KIAA1217: variants seen among roughly 807,000 people sequenced by gnomAD.
KIAA1217 encodes KIAA1217.
KIAA1217 carries 88 observed loss-of-function variants against 163.9 expected under a neutral mutation model. The observed-to-expected ratio is 0.54, with a 90% confidence interval of 0.45 to 0.64. KIAA1217 has a LOEUF of 0.64. Ranked by LOEUF, KIAA1217 falls within the 30% of genes least tolerant of loss-of-function variation. KIAA1217 has a pLI of 0.00. For synonymous variants in KIAA1217, 903 were observed against 923.1 expected (o/e 0.98, Z 0.39); for missense variants, 2,372 against 2,475.0 (o/e 0.96, Z 0.88).
At chr10:23,738,616 G>GTTTT (rs5783859) in intron 1 of KIAA1217, among the ~76,000 whole-genome samples, 78 of 151,068 alleles carry the variant, frequency 5.2e-4, no homozygotes, top group East Asian at 1.2e-3. Flanking sequence ...CTTTAGAAAT[G>GTTTT]TTTTTTTTTC....
chr10:23,974,112 T>C (rs1393982229), intron 1 of KIAA1217, among the ~76,000 whole-genome samples: 2 of 152,224 alleles, frequency 1.3e-5, no homozygotes, highest in Non-Finnish European at 2.9e-5. Context: ...GACTAGTTCT[T>C]AGCTGTAAGG....
At chr10:24,431,946 A>T (rs2059632373) in intron 3 of KIAA1217, among the ~76,000 whole-genome samples, 1 of 152,048 alleles carries the variant, frequency 6.6e-6, no homozygotes, top group African/African-American at 2.4e-5. Flanking sequence ...GAACCACAGA[A>T]ATCTTGTTGC....
intron 2 of KIAA1217, among the ~76,000 whole-genome samples, chr10:24,280,397 A>C (rs532383638): frequency 1.3e-5 from 2 of 152,348 alleles, no homozygotes; most frequent in South Asian, 2.1e-4. Flanking sequence ...AAGTGAAGGA[A>C]AGTGAAAGGG....
intron 2 of KIAA1217, among the ~76,000 whole-genome samples, chr10:24,159,587 G>A (rs528717495): frequency 6.7e-6 from 1 of 149,382 alleles, no homozygotes; most frequent in South Asian, 2.2e-4. Flanking sequence ...AGACCATCCT[G>A]GCTAACACGG....
chr10:24,277,275 C>T (rs2077404444), intron 2 of KIAA1217, among the ~76,000 whole-genome samples: 1 of 152,232 alleles, frequency 6.6e-6, no homozygotes. Flanking sequence ...GCTGAATTTA[C>T]TTCCAACTTT....
chr10:23,755,200 T>C (rs1833860563), intron 1 of KIAA1217, among the ~76,000 whole-genome samples: 1 of 152,102 alleles, frequency 6.6e-6, no homozygotes, highest in African/African-American at 2.4e-5. Flanking sequence ...ACAAAAAAGT[T>C]TGGAAGAGAA....
At chr10:23,699,753 G>C (rs188493191) in intron 1 of KIAA1217, among the ~76,000 whole-genome samples, 1 of 152,224 alleles carries the variant, frequency 6.6e-6, no homozygotes, top group African/African-American at 2.4e-5. Flanking sequence ...GCCTCCCAAA[G>C]TGCTGGGATT....
At chr10:23,928,750 T>C (rs963626206) in intron 1 of KIAA1217, among the ~76,000 whole-genome samples, 11 of 152,198 alleles carry the variant, frequency 7.2e-5, no homozygotes, top group African/African-American at 2.7e-4. Flanking sequence ...GAGACACTTA[T>C]AGCTCAAGGG....
intron 1 of KIAA1217, among the ~76,000 whole-genome samples, chr10:23,886,399 A>G (rs1841177087): frequency 6.6e-6 from 1 of 152,014 alleles, no homozygotes; most frequent in South Asian, 2.1e-4. Context: ...CCTTTTAGTC[A>G]AAACAGTTTC....
intron 2 of KIAA1217, among the ~76,000 whole-genome samples, chr10:24,111,360 C>G (rs958121707): frequency 2.0e-5 from 3 of 152,046 alleles, no homozygotes; most frequent in Admixed American, 6.6e-5. Context: ...GATGGAATGG[C>G]TTTTTGTCTA....
At position 24,176,067 on chromosome 10, in the gene KIAA1217, G is replaced by T. The variant is rs569763440; in HGVS notation, c.-170-43559G>T. ...TTCCCTTATCTGGCCCCACCCACAT[G>T]CTCCTGATTGGTCCATTTTACAGAG... On this transcript the variant is annotated intron_variant, in intron 2 of 18. Coordinates refer to the KIAA1217 transcript ENST00000376462. 2.0e-5 allele frequency among the ~76,000 whole-genome samples: 3 copies of T among 152,312 alleles called. No individual in the cohort carries two copies. In the South Asian group the frequency reaches 6.2e-4, roughly 32 times the overall value.
At chr10:23,729,965 G>C (rs1022725266) in intron 1 of KIAA1217, among the ~76,000 whole-genome samples, 1 of 151,314 alleles carries the variant, frequency 6.6e-6, no homozygotes, top group Admixed American at 6.6e-5. Context: ...GCAGTGGCAC[G>C]ATCTCTGTTC....
intron 2 of KIAA1217, among the ~76,000 whole-genome samples, chr10:24,184,809 TA>T (rs2066344090): frequency 6.6e-6 from 1 of 152,190 alleles, no homozygotes; most frequent in Non-Finnish European, 1.5e-5. Context: ...TCTGGCCCCA[TA>T]GGTGGTCATT....
intron 2 of KIAA1217, among the ~76,000 whole-genome samples, chr10:24,163,431 A>G (rs568631631): frequency 1.3e-5 from 2 of 152,348 alleles, no homozygotes; most frequent in South Asian, 4.1e-4. Flanking sequence ...TGCCATTAAG[A>G]AATGTGCCAT....
chr10:24,407,905 T>C (rs2057387368), intron 3 of KIAA1217, among the ~76,000 whole-genome samples: 1 of 152,216 alleles, frequency 6.6e-6, no homozygotes. Context: ...CTGAATTTTT[T>C]GGTTTAAGAC....
At chr10:24,532,086 G>A (rs2073206770) in intron 15 of KIAA1217, 93 bp downstream of exon 15, 2 of 1,197,548 alleles carry the variant, frequency 1.7e-6, no homozygotes, top group Non-Finnish European at 2.2e-6. Flanking sequence ...AAGTAGTGAG[G>A]CAGAGAAGTA....
intron 1 of KIAA1217, among the ~76,000 whole-genome samples, chr10:23,945,616 C>CA (rs1313632639): frequency 6.6e-6 from 1 of 152,030 alleles, no homozygotes; most frequent in Non-Finnish European, 1.5e-5. Flanking sequence ...AATTTTACTT[C>CA]AAAAAACTCA....
At chr10:23,740,681 A>G (rs965367422) in intron 1 of KIAA1217, among the ~76,000 whole-genome samples, 6 of 152,050 alleles carry the variant, frequency 3.9e-5, no homozygotes, top group Non-Finnish European at 7.4e-5. Context: ...TTTGAATGTA[A>G]AAGTTCCACC....
At chr10:24,414,281 T>G (rs990834073) in intron 3 of KIAA1217, among the ~76,000 whole-genome samples, 3 of 152,380 alleles carry the variant, frequency 2.0e-5, no homozygotes, top group African/African-American at 7.2e-5. Flanking sequence ...TTTGTTATGC[T>G]TGTTATATAA....
Sources: gnomAD v4.1 joint callset for allele counts (sites outside exome capture counted in the v4.1 genomes callset) on GRCh38, gnomAD v4.1.1 for gene constraint, MANE v1.5 for transcripts, NCBI Gene and HGNC (gene_info 2026-07-23, HGNC 2026-07-21) for gene names.